The following RIPOR2 variants were observed in gnomAD, a reference collection of about 807,000 sequenced individuals.
RIPOR2 encodes the protein RHO family interacting cell polarization regulator 2, also known as rho family-interacting cell polarization regulator 2.
In RIPOR2, 39 loss-of-function variants were observed where a neutral mutation model predicts 114.5. That is an observed-to-expected ratio of 0.34 (90% CI 0.26 to 0.44). The LOEUF is 0.44. Ranked by LOEUF, RIPOR2 falls within the 20% of genes least tolerant of loss-of-function variation. The probability of loss-of-function intolerance (pLI) is 1.00; values close to 1 mark genes in which losing one functional copy is unlikely to be tolerated. For synonymous variants in RIPOR2, 445 were observed against 484.4 expected (o/e 0.92, Z 1.07); for missense variants, 1,007 against 1,255.1 (o/e 0.80, Z 2.99).
At position 25,005,694 on chromosome 6, in the gene RIPOR2, GATATATATATATATATATATATATATAT is replaced by G. The variant is rs34057286; in HGVS notation, c.76+36129_76+36156del. On this transcript the variant is annotated intron_variant, in intron 1 of 13. Coordinates refer to the RIPOR2 transcript ENST00000510784. ...GTTTCAAAAATAAAATCCCTATGGAGATATATATATATATATATATATATATATATATATATATATATATATACATTTA... is the reference window on the plus strand; with the variant it reads ...GTTTCAAAAATAAAATCCCTATGGAGATATATATATATATATATACATTTA... Among the ~76,000 whole-genome samples, 47 of 45,384 alleles carry G rather than the reference GATATATATATATATATATATATATATAT, an allele frequency of 1.0e-3. 2 individuals carry two copies. The highest frequency in any genetic ancestry group is 2.2e-3 in the East Asian group (3 of 1,360). The allele number at this position is 45,384 out of a possible 152,430, so 29.8% of individuals were successfully genotyped here.
chr6:24,997,709 G>A (rs1775106516), intron 1 of RIPOR2, among the ~76,000 whole-genome samples: 1 of 152,120 alleles, frequency 6.6e-6, no homozygotes, highest in Non-Finnish European at 1.5e-5. Flanking sequence ...ATCCTTTGTT[G>A]AAAACCATTG....
In RIPOR2 at chr6:24,805,195, C is replaced by T. The variant is rs1230541055; in HGVS notation, c.*1178G>A. ...TTTGATTTGTCTTAGCAGCAAAACA[C>T]CCCTATGGTAAGAATATCATAAAAA... On this transcript the variant is annotated 3_prime_UTR_variant, in exon 22 of 22. Transcript: ENST00000643898. The T allele has an allele frequency of 6.6e-6, 1 of 151,260 alleles. No homozygotes were observed. Among genetic ancestry groups the T allele is most frequent in the African/African-American group, 2.4e-5 (1 of 41,076 alleles). 9.4% of individuals were successfully genotyped at this position (151,260 alleles called of 1,614,324 possible).
At chr6:24,884,852 C>T (rs926256531) in intron 1 of RIPOR2, among the ~76,000 whole-genome samples, 19 of 152,072 alleles carry the variant, frequency 1.2e-4, no homozygotes, top group African/African-American at 4.3e-4. Flanking sequence ...GAGAAAACGA[C>T]GAAGTGCTTT....
At chr6:24,853,941 C>T (rs1231366965) in intron 8 of RIPOR2, among the ~76,000 whole-genome samples, 2 of 151,714 alleles carry the variant, frequency 1.3e-5, no homozygotes, top group African/African-American at 4.8e-5. Flanking sequence ...CATAGTGAGA[C>T]CTCATCTCTA....
intron 1 of RIPOR2, chr6:24,976,456 A>T: frequency 3.2e-6 from 5 of 1,569,260 alleles, no homozygotes; most frequent in Non-Finnish European, 4.4e-6. Flanking sequence ...ATTGCCGTCG[A>T]CGGTGAGCCC....
intron 1 of RIPOR2, among the ~76,000 whole-genome samples, chr6:24,972,840 A>C (rs1239013093): frequency 6.6e-6 from 1 of 152,198 alleles, no homozygotes; most frequent in African/African-American, 2.4e-5. Context: ...CACCCTTGAA[A>C]AATCTGTTTT....
At chr6:24,943,959 G>A (rs550116456) in intron 1 of RIPOR2, among the ~76,000 whole-genome samples, 2 of 152,196 alleles carry the variant, frequency 1.3e-5, no homozygotes, top group Non-Finnish European at 2.9e-5. Flanking sequence ...AAGAATCACA[G>A]GCAATTAGTC....
intron 1 of RIPOR2, among the ~76,000 whole-genome samples, chr6:25,029,181 G>A (rs1408446564): frequency 1.3e-5 from 2 of 152,046 alleles, no homozygotes; most frequent in South Asian, 2.1e-4. Flanking sequence ...CCAAGTACTC[G>A]GGAGGCTGAG....
At position 24,916,905 on chromosome 6, in the gene RIPOR2, C is replaced by T. The variant is rs1376976668; in HGVS notation, c.61+18933G>A. Among the ~76,000 whole-genome samples, 9 of 152,120 alleles carry T rather than the reference C, an allele frequency of 5.9e-5. 1 individual carries two copies. Among genetic ancestry groups the T allele is most frequent in the Admixed American group, 5.9e-4 (9 of 15,278 alleles). On this transcript the variant is annotated intron_variant, in intron 1 of 21. Transcript: ENST00000643898. ...TCTTAAGCCTAAACCTCCTCTCCACCCCCACTTCTAGCTTCCACACCAAGT... is the reference window on the plus strand; with the variant it reads ...TCTTAAGCCTAAACCTCCTCTCCACTCCCACTTCTAGCTTCCACACCAAGT...
chr6:24,945,329 T>C (rs1304996442), intron 1 of RIPOR2, among the ~76,000 whole-genome samples: 1 of 152,144 alleles, frequency 6.6e-6, no homozygotes, highest in Non-Finnish European at 1.5e-5. Flanking sequence ...AGGAAGTGTA[T>C]TACTAGTAGA....
intron 1 of RIPOR2, among the ~76,000 whole-genome samples, chr6:24,933,674 T>C (rs1420234281): frequency 6.6e-6 from 1 of 152,252 alleles, no homozygotes; most frequent in Non-Finnish European, 1.5e-5. Flanking sequence ...ACTATGAAGA[T>C]AATCTGTACA....
At chr6:24,933,024 G>T (rs1222211057) in intron 1 of RIPOR2, among the ~76,000 whole-genome samples, 1 of 152,144 alleles carries the variant, frequency 6.6e-6, no homozygotes, top group Non-Finnish European at 1.5e-5. Flanking sequence ...TAAATGACTT[G>T]CCCAAGATCC....
chr6:24,903,631 G>C (rs1393204564), intron 1 of RIPOR2, among the ~76,000 whole-genome samples: 1 of 151,770 alleles, frequency 6.6e-6, no homozygotes, highest in African/African-American at 2.4e-5. Flanking sequence ...TACACAGTAG[G>C]TGTGTATATT....
At chr6:24,829,525 G>A (rs1034076723) in intron 17 of RIPOR2, among the ~76,000 whole-genome samples, 4 of 152,104 alleles carry the variant, frequency 2.6e-5, no homozygotes, top group Non-Finnish European at 4.4e-5. Context: ...TACAAAAGGG[G>A]AAGAGGCAGG....
chr6:24,986,930 A>AAG lies in RIPOR2; in HGVS notation c.76+54920_76+54921insCT, dbSNP rs1554128263. Among the ~76,000 whole-genome samples the AAG allele has an allele frequency of 2.2e-4, 33 of 152,044 alleles. 1 individual carries two copies. Among genetic ancestry groups the AAG allele is most frequent in the African/African-American group, 8.0e-4 (33 of 41,410 alleles). On this transcript the variant is annotated intron_variant, in intron 1 of 13. Transcript: ENST00000510784. ...GGTAGCTGATGAGCTAAAAAAAAAAAAAATTGCAAAAAATCTCATAATGTT... is the reference window on the plus strand; with the variant it reads ...GGTAGCTGATGAGCTAAAAAAAAAAAAGAAATTGCAAAAAATCTCATAATGTT...
At chr6:25,005,738 T>TACATACACAC (rs1554130559) in intron 1 of RIPOR2, among the ~76,000 whole-genome samples, 1 of 70,700 alleles carries the variant, frequency 1.4e-5, no homozygotes, top group Non-Finnish European at 3.3e-5. Context: ...TATATATATA[T>TACATACACAC]ATACATTTAC....
intron 21 of RIPOR2, among the ~76,000 whole-genome samples, chr6:24,807,458 A>C (rs4504470): frequency 0.75 from 113,414 of 152,106 alleles, 44,441 homozygotes; most frequent in East Asian, 0.88. Flanking sequence ...GGTGATAGAG[A>C]GAGACTCCAT....
At chr6:24,996,758 G>A (rs540619780) in intron 1 of RIPOR2, among the ~76,000 whole-genome samples, 11 of 152,276 alleles carry the variant, frequency 7.2e-5, no homozygotes, top group Admixed American at 5.9e-4. Flanking sequence ...CTTCCTCTGC[G>A]TGACTCAGGC....
Position 24,875,797 on chromosome 6 carries a change from C to A in RIPOR2, c.82G>T (p.Glu28Ter), listed in dbSNP as rs1467312751. 1 of 1,612,094 alleles carries A rather than the reference C, an allele frequency of 6.2e-7. No individual in the cohort carries two copies. The highest frequency in any genetic ancestry group is 8.5e-7 in the Non-Finnish European group (1 of 1,179,172). Residue 28 changes from glutamate (E) to a stop codon, truncating the protein, a stop_gained, in exon 2 of 22, where the codon GAA (glutamate) becomes TAA (stop). Coordinates refer to ENST00000643898, the MANE Select transcript of RIPOR2 (RefSeq NM_001286445.3). LOFTEE classifies it high-confidence loss of function. ...GACTGGGATCCTACCAACATGATTT[C>A]CGGGAGTCTGGTCGGTAGTCCTAGA... ...FGEGLPTRLP[E>*]IMLVGSQSFS...
Sources: allele counts gnomAD v4.1 joint callset (sites outside exome capture counted in the v4.1 genomes callset), GRCh38; gene constraint gnomAD v4.1.1; transcripts MANE v1.5; gene names NCBI Gene and HGNC (gene_info 2026-07-23, HGNC 2026-07-21).